Variants in KTI12 observed in about 807,000 individuals in gnomAD.
KTI12 encodes the protein KTI12 chromatin associated homolog.
KTI12 carries 8 observed loss-of-function variants against 8.8 expected under a neutral mutation model. That is an observed-to-expected ratio of 0.91 (90% CI 0.53 to 1.64). The LOEUF (loss-of-function observed/expected upper bound fraction) is 1.64, where lower values mean the gene tolerates loss of function less well. Ranked by LOEUF, KTI12 falls within the 40% of genes most tolerant of loss-of-function variation. The probability of loss-of-function intolerance (pLI) is 0.00; values close to 1 mark genes in which losing one functional copy is unlikely to be tolerated. For synonymous variants in KTI12, 216 were observed against 220.1 expected (o/e 0.98, Z 0.17); for missense variants, 490 against 492.1 (o/e 1.00, Z 0.04).
rs200791426 is a variant in KTI12 at position 52,032,830 on chromosome 1, C to T, written c.932G>A (p.Arg311Gln). ...PGTTEHLRFT[R>Q]PLTMAELSRL... ...ACTCAGTTCTGCCATGGTCAAGGGC[C>T]GGGTAAACCGCAAGTGCTCTGTGGT... Residue 311 changes from arginine to glutamine, a missense_variant, in exon 1 of 1, where the codon CGG (arginine) becomes CAG (glutamine). Physicochemically the swap from Arg to Gln is conservative, Grantham distance 43. Transcript: ENST00000371614. 5 of 1,614,228 alleles carry T rather than the reference C, an allele frequency of 3.1e-6. No homozygotes were observed. In the East Asian group the frequency reaches 6.7e-5, roughly 22 times the overall value.
At position 52,033,379 on chromosome 1, in the gene KTI12, C is replaced by T; in HGVS notation, c.383G>A (p.Arg128Gln). The change falls in exon 1 of 1, where the codon CGG (arginine) becomes CAG (glutamine). Residue 128 changes from arginine (R) to glutamine (Q), a missense_variant. Transcript: ENST00000371614. Reference protein sequence around the residue: ...QVAGANENPGRNVSVSWRPRA... With the variant: ...QVAGANENPGQNVSVSWRPRA... ...TGGCCGCCAACTCACACTGACGTTCCGGCCAGGGTTCTCGTTCGCGCCCGC... is the reference window on the plus strand; with the variant it reads ...TGGCCGCCAACTCACACTGACGTTCTGGCCAGGGTTCTCGTTCGCGCCCGC... 1 of 1,613,644 alleles carries T rather than the reference C, an allele frequency of 6.2e-7. No homozygotes were observed. The highest frequency in any genetic ancestry group is 1.3e-5 in the African/African-American group (1 of 75,068).
At position 52,032,924 on chromosome 1, in the gene KTI12, G is replaced by C. The variant is rs548825981; in HGVS notation, c.838C>G (p.Gln280Glu). ...FLHQLDQVTS[Q>E]VLAGLMEAQK... is the part of the protein sequence containing the mutation. ...GCTTCCATCAATCCGGCCAGTACTT[G>C]ACTCGTGACCTGGTCCAACTGGTGC... The change falls in exon 1 of 1, where the codon CAA becomes GAA. Residue 280 changes from glutamine (Q) to glutamate (E), a missense_variant. Gln to Glu is a conservative substitution (Grantham distance 29, BLOSUM62 2). Coordinates refer to ENST00000371614, the MANE Select transcript of KTI12 (RefSeq NM_138417.3). 6.2e-7 allele frequency: 1 copy of C among 1,609,408 alleles called. No homozygotes were observed. The highest frequency in any genetic ancestry group is 1.1e-5 in the South Asian group (1 of 90,410).
rs1001973064 is a variant in KTI12, at chr1:52,032,300, G to T, written c.*397C>A. 1.1e-5 allele frequency: 11 copies of T among 1,002,812 alleles called. No individual in the cohort carries two copies. Among genetic ancestry groups the T allele is most frequent in the Non-Finnish European group, 1.2e-5 (10 of 841,020 alleles). 62.1% of individuals were successfully genotyped at this position (1,002,812 alleles called of 1,614,324 possible). The stretch of plus-strand genomic sequence containing the variant: ...TGAAAAAAGGGCAGGTGCAGATGTA[G>T]AACTGTACCATCTTCAGTTTCTGTT... On this transcript the variant is annotated 3_prime_UTR_variant, in exon 1 of 1. Coordinates refer to ENST00000371614, the MANE Select transcript of KTI12 (RefSeq NM_138417.3).
chr1:52,032,678 T>TC lies in KTI12; in HGVS notation c.*18dup, dbSNP rs1354903612. 3 of 1,562,934 alleles carry TC rather than the reference T, an allele frequency of 1.9e-6. No homozygotes were observed. The highest frequency in any genetic ancestry group is 1.4e-5 in the African/African-American group (1 of 73,000). ...GGAGTGGAGATCAGAAGCCATGGCTTCCCCCCTACCTCCTCTGGTCAGTGC... is the reference window on the plus strand; with the variant it reads ...GGAGTGGAGATCAGAAGCCATGGCTTCCCCCCCTACCTCCTCTGGTCAGTGC... On this transcript the variant is annotated 3_prime_UTR_variant, in exon 1 of 1. Transcript: ENST00000371614.
chr1:52,032,678 TC>T lies in KTI12; in HGVS notation c.*18del. 2.6e-6 allele frequency: 4 copies of T among 1,562,934 alleles called. No homozygotes were observed. Among genetic ancestry groups the T allele is most frequent in the East Asian group, 2.2e-5 (1 of 44,596 alleles). ...GGAGTGGAGATCAGAAGCCATGGCT[TC>T]CCCCCTACCTCCTCTGGTCAGTGCA... On this transcript the variant is annotated 3_prime_UTR_variant, in exon 1 of 1. Transcript: ENST00000371614.
chr1:52,032,391 C>T lies in KTI12; in HGVS notation c.*306G>A. ...CTCCCACGCCTCAGATGAGGGAAGC[C>T]AATGGTCAATGCTCTGTGATAGCCC... is the stretch of plus-strand genomic sequence containing the variant. On this transcript the variant is annotated 3_prime_UTR_variant, in exon 1 of 1. Transcript: ENST00000371614. 8.8e-7 allele frequency: 1 copy of T among 1,131,184 alleles called. No individual in the cohort carries two copies. Among genetic ancestry groups the T allele is most frequent in the Non-Finnish European group, 1.1e-6 (1 of 922,488 alleles). 70.1% of individuals were successfully genotyped at this position (1,131,184 alleles called of 1,614,324 possible). A position where few individuals can be genotyped will look rare whatever the true frequency, so the allele number is the denominator to read the frequency against.
rs1439611633 is a variant in KTI12 at position 52,033,060 on chromosome 1, G to A, written c.702C>T (p.Gly234=). Residue 234 remains glycine, a synonymous_variant, in exon 1 of 1, where the codon GGC becomes GGT. Transcript: ENST00000371614. ...RWDRPLFTLV[G]LEEPLPLAGI... The stretch of plus-strand genomic sequence containing the variant: ...CCGCCAGGGGCAACGGCTCCTCTAG[G>A]CCCACCAAAGTGAATAAAGGCCGGT... 2 of 1,596,912 alleles carry A rather than the reference G, an allele frequency of 1.3e-6. No homozygotes were observed. Among genetic ancestry groups the A allele is most frequent in the East Asian group, 2.2e-5 (1 of 44,826 alleles).
At position 52,033,508 on chromosome 1, in the gene KTI12, T is replaced by G. The variant is rs200200454; in HGVS notation, c.254A>C (p.Lys85Thr). The change falls in exon 1 of 1, where the codon AAA becomes ACA. Residue 85 changes from lysine to threonine, a missense_variant. Transcript: ENST00000371614. Reference sequence around the variant, plus strand: ...GCAGTAGAGCTCGTAACGGAAACCTTTGATGTAGTTAAGCGAGTCCAGGAT... The same window carrying G: ...GCAGTAGAGCTCGTAACGGAAACCTGTGATGTAGTTAAGCGAGTCCAGGAT... Reference protein sequence around the residue: ...VVILDSLNYIKGFRYELYCLA... With the variant: ...VVILDSLNYITGFRYELYCLA... 1 of 1,613,862 alleles carries G rather than the reference T, an allele frequency of 6.2e-7. No individual in the cohort carries two copies.
rs371352386 is a variant in KTI12, at chr1:52,033,076, A to G, written c.686T>C (p.Leu229Ser). 5.0e-6 allele frequency: 8 copies of G among 1,605,160 alleles called. No individual in the cohort carries two copies. The highest frequency in any genetic ancestry group is 5.9e-6 in the Non-Finnish European group (7 of 1,176,766). Residue 229 changes from leucine (L) to serine (S), a missense_variant, in exon 1 of 1, where the codon TTA becomes TCA. Transcript: ENST00000371614. ...CTCCTCTAGGCCCACCAAAGTGAAT[A>G]AAGGCCGGTCCCAGCGATTCCGAGA... ...PDSRNRWDRP[L>S]FTLVGLEEPL...
At position 52,033,784 on chromosome 1, in the gene KTI12, C is replaced by T. The variant is rs1685829827; in HGVS notation, c.-23G>A. The T allele has an allele frequency of 5.8e-6, 9 of 1,547,032 alleles. No individual in the cohort carries two copies. The highest frequency in any genetic ancestry group is 2.4e-5 in the South Asian group (2 of 81,818). On this transcript the variant is annotated 5_prime_UTR_variant, in exon 1 of 1. Coordinates refer to ENST00000371614, the MANE Select transcript of KTI12 (RefSeq NM_138417.3). ...CATCCTCTCAGGGAGCGACCATTGG[C>T]AACCGCGCTGCGCCAACTTCCGGGT...
At position 52,032,584 on chromosome 1, in the gene KTI12, A is replaced by C; in HGVS notation, c.*113T>G. 6.9e-7 allele frequency: 1 copy of C among 1,439,890 alleles called. No individual in the cohort carries two copies. The allele number at this position is 1,439,890 out of a possible 1,614,324, so 89.2% of individuals were successfully genotyped here. A position where few individuals can be genotyped will look rare whatever the true frequency, so the allele number is the denominator to read the frequency against. ...AAAGTTTGAGTGAATCAGTCACAAC[A>C]GCTCTAGTACAGTACTGCATCGATA... On this transcript the variant is annotated 3_prime_UTR_variant, in exon 1 of 1. Transcript: ENST00000371614.
Position 52,032,573 on chromosome 1 carries a change from T to A in KTI12, c.*124A>T. On this transcript the variant is annotated 3_prime_UTR_variant, in exon 1 of 1. Coordinates refer to ENST00000371614, the MANE Select transcript of KTI12 (RefSeq NM_138417.3). The stretch of plus-strand genomic sequence containing the variant: ...GGGTATGCAGGAAAGTTTGAGTGAA[T>A]CAGTCACAACAGCTCTAGTACAGTA... 1 of 1,419,192 alleles carries A rather than the reference T, an allele frequency of 7.0e-7. No individual in the cohort carries two copies. The highest frequency in any genetic ancestry group is 1.7e-5 in the South Asian group (1 of 60,314). 87.9% of individuals were successfully genotyped at this position (1,419,192 alleles called of 1,614,324 possible).
At position 52,032,497 on chromosome 1, in the gene KTI12, CTCCAT is replaced by C; in HGVS notation, c.*195_*199del. 1 of 1,347,992 alleles carries C rather than the reference CTCCAT, an allele frequency of 7.4e-7. No individual in the cohort carries two copies. The highest frequency in any genetic ancestry group is 9.5e-7 in the Non-Finnish European group (1 of 1,055,460). The allele number at this position is 1,347,992 out of a possible 1,614,324, so 83.5% of individuals were successfully genotyped here. A position where few individuals can be genotyped will look rare whatever the true frequency, so the allele number is the denominator to read the frequency against. On this transcript the variant is annotated 3_prime_UTR_variant, in exon 1 of 1. Coordinates refer to ENST00000371614, the MANE Select transcript of KTI12 (RefSeq NM_138417.3). ...TTTGCCAGGTTGCACCACAATAGTTCTCCATTCTCTTTAGTCTGAACTTATGCTGT... is the reference window on the plus strand; with the variant it reads ...TTTGCCAGGTTGCACCACAATAGTTCTCTCTTTAGTCTGAACTTATGCTGT...
rs78835924 is a variant in KTI12, at chr1:52,033,581, C to T, written c.181G>A (p.Ala61Thr). 6.2e-7 allele frequency: 1 copy of T among 1,613,624 alleles called. No homozygotes were observed. The highest frequency in any genetic ancestry group is 8.5e-7 in the Non-Finnish European group (1 of 1,179,936). The change falls in exon 1 of 1, where the codon GCT (alanine) becomes ACT (threonine). Residue 61 changes from alanine (A) to threonine (T), a missense_variant. Transcript: ENST00000371614. The part of the protein sequence containing the change: ...DSAREKALRG[A>T]LRASVERRLS... ...CGCCGTTCCACGGAGGCTCGCAGAG[C>T]TCCACGCAATGCCTTCTCACGGGCA...
chr1:52,032,922 T>G lies in KTI12; in HGVS notation c.840A>C (p.Gln280His). 1 of 1,609,348 alleles carries G rather than the reference T, an allele frequency of 6.2e-7. No individual in the cohort carries two copies. The highest frequency in any genetic ancestry group is 8.5e-7 in the Non-Finnish European group (1 of 1,177,696). ...GCGCTTCCATCAATCCGGCCAGTAC[T>G]TGACTCGTGACCTGGTCCAACTGGT... ...FLHQLDQVTS[Q>H]VLAGLMEAQK... The change falls in exon 1 of 1, where the codon CAA becomes CAC. Residue 280 changes from glutamine (Q) to histidine (H), a missense_variant. By Grantham distance (24) the Gln-to-His change is conservative (BLOSUM62 0). Coordinates refer to ENST00000371614, the MANE Select transcript of KTI12 (RefSeq NM_138417.3).
At position 52,032,615 on chromosome 1, in the gene KTI12, T is replaced by G. The variant is rs1329598828; in HGVS notation, c.*82A>C. 6.6e-7 allele frequency: 1 copy of G among 1,519,134 alleles called. No homozygotes were observed. Among genetic ancestry groups the G allele is most frequent in the Non-Finnish European group, 8.8e-7 (1 of 1,137,870 alleles). The allele number at this position is 1,519,134 out of a possible 1,614,324, so 94.1% of individuals were successfully genotyped here. ...AGTACAGTACTGCATCGATATGCTC[T>G]GGAGACCTGCAGCCTATTTTTCCCA... On this transcript the variant is annotated 3_prime_UTR_variant, in exon 1 of 1. Transcript: ENST00000371614.
chr1:52,032,992 T>G lies in KTI12; in HGVS notation c.770A>C (p.His257Pro), dbSNP rs1685798245. The change falls in exon 1 of 1, where the codon CAT becomes CCT. Residue 257 changes from histidine to proline, a missense_variant. His to Pro is a moderately conservative substitution (Grantham distance 77, BLOSUM62 -2). Coordinates refer to ENST00000371614, the MANE Select transcript of KTI12 (RefSeq NM_138417.3). The stretch of plus-strand genomic sequence containing the variant: ...GAGGGGCTGGGACTGCGTAGACTGA[T>G]GGGGTGGTGGGGCCCGGTTCTCAAA... ...ALFENRAPPP[H>P]QSTQSQPLAS... 5 of 1,562,568 alleles carry G rather than the reference T, an allele frequency of 3.2e-6. No homozygotes were observed. Among genetic ancestry groups the G allele is most frequent in the African/African-American group, 1.4e-5 (1 of 73,188 alleles).
In KTI12 at chr1:52,032,654, G is replaced by A; in HGVS notation, c.*43C>T. On this transcript the variant is annotated 3_prime_UTR_variant, in exon 1 of 1. Coordinates refer to ENST00000371614, the MANE Select transcript of KTI12 (RefSeq NM_138417.3). ...CTATTTTTCCCAGAGAAATAAAGTG[G>A]AGTGGAGATCAGAAGCCATGGCTTC... The A allele has an allele frequency of 6.5e-7, 1 of 1,546,446 alleles. No individual in the cohort carries two copies. Among genetic ancestry groups the A allele is most frequent in the Non-Finnish European group, 8.7e-7 (1 of 1,149,338 alleles).
chr1:52,033,358 C>A lies in KTI12; in HGVS notation c.404G>T (p.Arg135Leu), dbSNP rs780704290. Residue 135 changes from arginine (R) to leucine (L), a missense_variant, in exon 1 of 1, where the codon CGG becomes CTG. Physicochemically the swap from Arg to Leu is moderately radical, Grantham distance 102. Transcript: ENST00000371614. Reference sequence around the variant, plus strand: ...TCTCCCGTCCTCCTCAGCGCGTGGCCGCCAACTCACACTGACGTTCCGGCC... The same window carrying A: ...TCTCCCGTCCTCCTCAGCGCGTGGCAGCCAACTCACACTGACGTTCCGGCC... ...NPGRNVSVSW[R>L]PRAEEDGRAQ... is the part of the protein sequence containing the mutation. 4.3e-6 allele frequency: 7 copies of A among 1,613,710 alleles called. No homozygotes were observed. The Admixed American group carries it at 8.3e-5, about 19-fold the overall frequency.
Sources: allele counts gnomAD v4.1 joint callset, GRCh38; gene constraint gnomAD v4.1.1; transcripts MANE v1.5; gene names NCBI Gene and HGNC (gene_info 2026-07-23, HGNC 2026-07-21).